The following CSMD3 variants were observed in gnomAD, a reference collection of about 807,000 sequenced individuals.
The protein encoded by CSMD3 is CUB and Sushi multiple domains 3.
Under a neutral mutation model 435.2 loss-of-function variants are expected in CSMD3, and 177 were observed. The ratio of observed to expected loss-of-function variants is 0.41; its 90% CI spans 0.36 to 0.46. CSMD3 has a LOEUF of 0.46. Ranked by LOEUF, CSMD3 falls within the 20% of genes least tolerant of loss-of-function variation. The probability of loss-of-function intolerance (pLI) is 0.34; values close to 1 mark genes in which losing one functional copy is unlikely to be tolerated. For missense variants in CSMD3, 4,265 were observed against 4,504.6 expected (o/e 0.95, Z 1.52); for synonymous variants, 1,656 against 1,520.5 (o/e 1.09, Z -2.07).
chr8:113,418,901 C>T (rs2129913705), intron 1 of CSMD3, among the ~76,000 whole-genome samples: 2 of 152,090 alleles, frequency 1.3e-5, no homozygotes, highest in African/African-American at 4.8e-5. Flanking sequence ...TGAAACTTTC[C>T]AACAGGGGAC....
chr8:113,373,574 GAAAT>G lies in CSMD3; in HGVS notation c.179-58785_179-58782del, dbSNP rs2094360186. On this transcript the variant is annotated intron_variant, in intron 1 of 70. Coordinates refer to ENST00000297405, the MANE Select transcript of CSMD3 (RefSeq NM_198123.2). ...AATACACATATATACATTTACATAT[GAAAT>G]AAAGATGTTTATTAATTAACTTTAC... Among the ~76,000 whole-genome samples the G allele has an allele frequency of 4.6e-5, 7 of 151,790 alleles. No homozygotes were observed. The South Asian group carries it at 1.5e-3, about 31-fold the overall frequency.
chr8:113,398,181 T>C (rs2094493102), intron 1 of CSMD3, among the ~76,000 whole-genome samples: 1 of 152,236 alleles, frequency 6.6e-6, no homozygotes, highest in Non-Finnish European at 1.5e-5. Context: ...TATACTTTTA[T>C]TCTTCACATT....
chr8:112,604,908 G>T (rs1360672094), intron 22 of CSMD3, among the ~76,000 whole-genome samples: 1 of 147,490 alleles, frequency 6.8e-6, no homozygotes, highest in South Asian at 2.2e-4. Context: ...CTAATATCCA[G>T]AATCTCTAAG....
intron 11 of CSMD3, among the ~76,000 whole-genome samples, chr8:112,831,591 T>C (rs966421676): frequency 6.7e-6 from 1 of 149,832 alleles, no homozygotes; most frequent in Non-Finnish European, 1.5e-5. Flanking sequence ...TTAATACTAA[T>C]TGAGTTACAT....
chr8:112,335,753 A>G lies in CSMD3; in HGVS notation c.7020-279T>C, dbSNP rs200465184. Among the ~76,000 whole-genome samples, 189 of 116,196 alleles carry G rather than the reference A, an allele frequency of 1.6e-3. 1 individual carries two copies. Among genetic ancestry groups the G allele is most frequent in the Non-Finnish European group, 3.3e-3 (169 of 51,462 alleles). The allele number at this position is 116,196 out of a possible 152,430, so 76.2% of individuals were successfully genotyped here. On this transcript the variant is annotated intron_variant, in intron 44 of 70. Coordinates refer to ENST00000297405, the MANE Select transcript of CSMD3 (RefSeq NM_198123.2). The stretch of plus-strand genomic sequence containing the variant: ...ATTGTCTTTGTTTTTTTTTTTTTTT[A>G]CCAAAACTCTGATGCTTTTAAATGC...
At chr8:112,875,616 C>A (rs1480151094) in intron 10 of CSMD3, among the ~76,000 whole-genome samples, 1 of 152,022 alleles carries the variant, frequency 6.6e-6, no homozygotes. Flanking sequence ...TTTGTTCATT[C>A]CTTTTCATTC....
intron 1 of CSMD3, among the ~76,000 whole-genome samples, chr8:113,374,585 T>C (rs888575312): frequency 6.6e-6 from 1 of 152,070 alleles, no homozygotes; most frequent in Non-Finnish European, 1.5e-5. Context: ...AAGTGAAATC[T>C]AGTGAAATAC....
At chr8:112,758,404 C>T (rs1384107205) in intron 13 of CSMD3, among the ~76,000 whole-genome samples, 1 of 151,508 alleles carries the variant, frequency 6.6e-6, no homozygotes, top group Non-Finnish European at 1.5e-5. Flanking sequence ...AGTGCAACTC[C>T]CAAAATTTAA....
At chr8:112,531,781 A>T (rs1033870544) in intron 27 of CSMD3, among the ~76,000 whole-genome samples, 1 of 152,182 alleles carries the variant, frequency 6.6e-6, no homozygotes, top group Non-Finnish European at 1.5e-5. Context: ...TGAAAACTGG[A>T]ATAAATAACT....
intron 59 of CSMD3, among the ~76,000 whole-genome samples, chr8:112,270,670 C>T (rs765908383): frequency 2.0e-5 from 3 of 151,994 alleles, no homozygotes; most frequent in Non-Finnish European, 4.4e-5. Context: ...CCATTGTATA[C>T]TCACAGTTAT....
At chr8:112,877,565 AC>A in intron 10 of CSMD3, among the ~76,000 whole-genome samples, 1 of 152,152 alleles carries the variant, frequency 6.6e-6, no homozygotes, top group South Asian at 2.1e-4. Context: ...ACCATGTCTG[AC>A]CTTAAATTTC....
intron 22 of CSMD3, among the ~76,000 whole-genome samples, chr8:112,631,756 T>C: frequency 6.6e-6 from 1 of 152,042 alleles, no homozygotes; most frequent in East Asian, 1.9e-4. Flanking sequence ...GAAGTAAATA[T>C]ATATTTCTTT....
At chr8:112,507,208 T>C (rs1369352984) in intron 28 of CSMD3, among the ~76,000 whole-genome samples, 1 of 152,088 alleles carries the variant, frequency 6.6e-6, no homozygotes, top group African/African-American at 2.4e-5. Flanking sequence ...CCTCTAATAA[T>C]AAATAGAAAA....
intron 3 of CSMD3, among the ~76,000 whole-genome samples, chr8:113,264,240 A>G (rs1405017049): frequency 6.6e-6 from 1 of 151,570 alleles, no homozygotes; most frequent in East Asian, 1.9e-4. Context: ...ACTATCAATT[A>G]TAACAACTAT....
intron 22 of CSMD3, among the ~76,000 whole-genome samples, chr8:112,633,527 C>G (rs1172205958): frequency 6.6e-6 from 1 of 151,988 alleles, no homozygotes; most frequent in Non-Finnish European, 1.5e-5. Context: ...CAGAATTTTT[C>G]ATAGATGTAA....
rs76868551 is a variant in CSMD3, at chr8:112,675,876, G to A, written c.2677+6566C>T. On this transcript the variant is annotated intron_variant, in intron 16 of 70. Coordinates refer to ENST00000297405, the MANE Select transcript of CSMD3 (RefSeq NM_198123.2). ...TAAAGCCAGAGACAAAGGTTGCTGG[G>A]ACCAAGATGTCAGCAGTGGAGGTAG... 2.1e-3 allele frequency among the ~76,000 whole-genome samples: 318 copies of A among 152,226 alleles called. 1 individual carries two copies. The highest frequency in any genetic ancestry group is 7.3e-3 in the African/African-American group (305 of 41,572).
chr8:113,065,181 A>C (rs2131379029), intron 5 of CSMD3, among the ~76,000 whole-genome samples: 1 of 152,310 alleles, frequency 6.6e-6, no homozygotes, highest in African/African-American at 2.4e-5. Flanking sequence ...TTTTGCAATA[A>C]ATAAGTAACT....
intron 32 of CSMD3, among the ~76,000 whole-genome samples, chr8:112,446,814 G>A (rs762711666): frequency 6.6e-6 from 1 of 152,180 alleles, no homozygotes; most frequent in African/African-American, 2.4e-5. Context: ...TCTCTGTGGA[G>A]ACTGGGCAAT....
chr8:113,257,070 G>A (rs545573632), intron 3 of CSMD3, among the ~76,000 whole-genome samples: 78 of 152,138 alleles, frequency 5.1e-4, no homozygotes, highest in Non-Finnish European at 5.4e-4. Context: ...TACTACCATG[G>A]GCTGGTTAAG....
Sources: gnomAD v4.1 joint callset for allele counts (sites outside exome capture counted in the v4.1 genomes callset) on GRCh38, gnomAD v4.1.1 for gene constraint, MANE v1.5 for transcripts, NCBI Gene and HGNC (gene_info 2026-07-23, HGNC 2026-07-21) for gene names.